TNKS: variants seen among roughly 807,000 people sequenced by gnomAD.
TNKS encodes the protein tankyrase.
A neutral mutation model predicts 135.8 loss-of-function variants in TNKS; 72 were observed. The ratio of observed to expected loss-of-function variants is 0.53; its 90% CI spans 0.44 to 0.64. TNKS has a LOEUF of 0.64. Ranked by LOEUF, TNKS falls within the 30% of genes least tolerant of loss-of-function variation. The pLI, the probability that TNKS is intolerant of heterozygous loss-of-function variation, is 0.00. For synonymous variants in TNKS, 849 were observed against 649.3 expected (o/e 1.31, Z -4.68); for missense variants, 1,769 against 1,674.0 (o/e 1.06, Z -0.99).
intron 22 of TNKS, 45 bp downstream of exon 22, chr8:9,763,289 T>C: frequency 2.3e-6 from 3 of 1,325,460 alleles, no homozygotes; most frequent in Non-Finnish European, 3.2e-6. Context: ...TTGAAATCTG[T>C]GGATAAACCT....
intron 3 of TNKS, among the ~76,000 whole-genome samples, chr8:9,646,441 C>G (rs1464103654): frequency 2.0e-5 from 3 of 152,048 alleles, no homozygotes; most frequent in East Asian, 3.8e-4. Context: ...TGTTTCACAT[C>G]TGATTTCATT....
chr8:9,627,203 C>T (rs1015390232), intron 3 of TNKS, among the ~76,000 whole-genome samples: 2 of 152,128 alleles, frequency 1.3e-5, no homozygotes, highest in East Asian at 1.9e-4. Context: ...GGCATGGAAG[C>T]GCCTCTCCCC....
intron 20 of TNKS, among the ~76,000 whole-genome samples, chr8:9,757,920 G>T (rs1425370247): frequency 1.3e-5 from 2 of 152,178 alleles, no homozygotes; most frequent in South Asian, 4.1e-4. Flanking sequence ...AGGTTTTTCA[G>T]TGGCCACTGC....
chr8:9,748,062 G>T lies in TNKS; in HGVS notation c.2682G>T (p.Thr894=), dbSNP rs377210789. 7.4e-6 allele frequency: 12 copies of T among 1,612,048 alleles called. No individual in the cohort carries two copies. Among genetic ancestry groups the T allele is most frequent in the South Asian group, 5.5e-5 (5 of 90,602 alleles). ...DIAALLIKYN[T]CVNATDKWAF... ...CGGCTTTATTGATAAAATACAACAC[G>T]TGTGTAAATGCAACAGATAAGTGGG... Residue 894 remains threonine, a synonymous_variant, in exon 18 of 27, where the codon ACG becomes ACT. Transcript: ENST00000310430.
chr8:9,627,284 T>TGTAA (rs371095063), intron 3 of TNKS, among the ~76,000 whole-genome samples: 2 of 152,224 alleles, frequency 1.3e-5, no homozygotes, highest in South Asian at 4.2e-4. Flanking sequence ...AACCAGTAAA[T>TGTAA]GTAAGTAAGT....
intron 26 of TNKS, among the ~76,000 whole-genome samples, chr8:9,773,741 A>T (rs1808074595): frequency 6.6e-6 from 1 of 152,164 alleles, no homozygotes; most frequent in South Asian, 2.1e-4. Context: ...AAAATGCCTA[A>T]ATAAAAAAAT....
chr8:9,633,741 T>C lies in TNKS; in HGVS notation c.994+18064T>C, dbSNP rs539454064. On this transcript the variant is annotated intron_variant, in intron 3 of 26. Transcript: ENST00000310430. The stretch of plus-strand genomic sequence containing the variant: ...AACTGCCATATTGTAAACTGCCTTA[T>C]AGACAAGCCCATTTGGGGAGGTACT... 3.9e-5 allele frequency among the ~76,000 whole-genome samples: 6 copies of C among 152,354 alleles called. No homozygotes were observed. The South Asian group carries it at 1.2e-3, about 32-fold the overall frequency.
chr8:9,593,020 A>G (rs1798643649), intron 2 of TNKS, among the ~76,000 whole-genome samples: 1 of 152,210 alleles, frequency 6.6e-6, no homozygotes, highest in African/African-American at 2.4e-5. Context: ...TTTTGGTTAT[A>G]ATGGGTTTTC....
At chr8:9,766,474 C>G (rs370547509) in intron 25 of TNKS, 49 bp downstream of exon 25, 644 of 1,196,378 alleles carry the variant, frequency 5.4e-4, no homozygotes, top group Non-Finnish European at 7.1e-4. Context: ...AGGTCACGAA[C>G]CAAATTGTCT....
chr8:9,674,398 A>G (rs1802444278), intron 3 of TNKS, among the ~76,000 whole-genome samples: 3 of 152,186 alleles, frequency 2.0e-5, no homozygotes, highest in Admixed American at 2.0e-4. Flanking sequence ...TTTGGTGTTC[A>G]GTAAGGAAAA....
At chr8:9,711,462 T>C (rs1485773928) in intron 11 of TNKS, among the ~76,000 whole-genome samples, 1 of 152,226 alleles carries the variant, frequency 6.6e-6, no homozygotes, top group Non-Finnish European at 1.5e-5. Flanking sequence ...AGAACTTTTA[T>C]AAATATCATA....
At chr8:9,763,273 C>T in intron 22 of TNKS, 29 bp downstream of exon 22, 1 of 1,465,720 alleles carries the variant, frequency 6.8e-7, no homozygotes. Flanking sequence ...CTTTCATTTG[C>T]TTTTCTTGAA....
chr8:9,729,145 A>C (rs1300156429), intron 13 of TNKS, among the ~76,000 whole-genome samples: 1 of 152,188 alleles, frequency 6.6e-6, no homozygotes, highest in Non-Finnish European at 1.5e-5. Flanking sequence ...GCGGAAGGGC[A>C]AAACGGCCAA....
intron 3 of TNKS, among the ~76,000 whole-genome samples, chr8:9,655,900 C>G (rs1008407630): frequency 1.3e-5 from 2 of 152,026 alleles, no homozygotes; most frequent in African/African-American, 2.4e-5. Context: ...GGAGAATGGC[C>G]TTGATGAGTT....
chr8:9,658,934 C>T (rs940049053), intron 3 of TNKS, among the ~76,000 whole-genome samples: 9 of 152,118 alleles, frequency 5.9e-5, no homozygotes, highest in South Asian at 2.1e-4. Flanking sequence ...GGGTTGCAAT[C>T]GTAGTCTTGG....
At position 9,602,046 on chromosome 8, in the gene TNKS, A is replaced by G. The variant is rs116075876; in HGVS notation, c.899-13536A>G. Among the ~76,000 whole-genome samples, 290 of 152,122 alleles carry G rather than the reference A, an allele frequency of 1.9e-3. 1 individual carries two copies. Among genetic ancestry groups the G allele is most frequent in the African/African-American group, 6.7e-3 (277 of 41,494 alleles). On this transcript the variant is annotated intron_variant, in intron 2 of 26. Coordinates refer to ENST00000310430, the MANE Select transcript of TNKS (RefSeq NM_003747.3). The stretch of plus-strand genomic sequence containing the variant: ...TACCCCTTAGAGGGCATATTTAGCT[A>G]TATCTGGGGACATGTTTGGTTATCA...
chr8:9,592,865 C>G (rs1285356264), intron 2 of TNKS, among the ~76,000 whole-genome samples: 4 of 152,124 alleles, frequency 2.6e-5, no homozygotes, highest in African/African-American at 9.7e-5. Flanking sequence ...TGCAGTATGT[C>G]AGACACTTCA....
chr8:9,580,091 C>A, intron 1 of TNKS, 68 bp from the exon 2 acceptor site: 3 of 1,330,488 alleles, frequency 2.3e-6, no homozygotes, highest in Non-Finnish European at 3.2e-6. Flanking sequence ...GATATTGTTA[C>A]AGATATTCTA....
intron 2 of TNKS, among the ~76,000 whole-genome samples, chr8:9,581,301 A>G (rs1798154968): frequency 6.6e-6 from 1 of 152,226 alleles, no homozygotes; most frequent in Admixed American, 6.5e-5. Flanking sequence ...TGCCTGATAT[A>G]AAACTATTTT....
Sources: allele counts gnomAD v4.1 joint callset (sites outside exome capture counted in the v4.1 genomes callset), GRCh38; gene constraint gnomAD v4.1.1; transcripts MANE v1.5; gene names NCBI Gene and HGNC (gene_info 2026-07-23, HGNC 2026-07-21).